Variants in ADAMTS12 observed in about 807,000 individuals in gnomAD.
The protein encoded by ADAMTS12 is A disintegrin and metalloproteinase with thrombospondin motifs 12.
Under a neutral mutation model 167.8 loss-of-function variants are expected in ADAMTS12, and 118 were observed. The ratio of observed to expected loss-of-function variants is 0.70; its 90% CI spans 0.61 to 0.82. The LOEUF (loss-of-function observed/expected upper bound fraction) is 0.82. ADAMTS12 is among the 40% of genes least tolerant of loss of function. ADAMTS12 has a pLI of 0.00. For synonymous variants in ADAMTS12, 704 were observed against 716.9 expected (o/e 0.98, Z 0.29); for missense variants, 1,916 against 1,998.8 (o/e 0.96, Z 0.79).
chr5:33,730,805 C>A (rs1004303138), intron 3 of ADAMTS12, among the ~76,000 whole-genome samples: 1 of 152,184 alleles, frequency 6.6e-6, no homozygotes. Context: ...GACAGGCAAC[C>A]CTTTGCATGG....
At chr5:33,778,322 A>T (rs1745989934) in intron 2 of ADAMTS12, among the ~76,000 whole-genome samples, 1 of 152,202 alleles carries the variant, frequency 6.6e-6, no homozygotes, top group Non-Finnish European at 1.5e-5. Flanking sequence ...TTAAAAAAGG[A>T]CACAAGGACT....
chr5:33,744,629 C>T (rs1744715187), intron 3 of ADAMTS12, among the ~76,000 whole-genome samples: 1 of 152,028 alleles, frequency 6.6e-6, no homozygotes, highest in African/African-American at 2.4e-5. Flanking sequence ...TGCTGGGGCA[C>T]AGTAATGATA....
chr5:33,716,500 C>T (rs1189472087), intron 3 of ADAMTS12, among the ~76,000 whole-genome samples: 1 of 152,018 alleles, frequency 6.6e-6, no homozygotes, highest in Non-Finnish European at 1.5e-5. Context: ...TTTTTTATTG[C>T]AGTGCTTATT....
At chr5:33,615,594 C>T (rs1738960904) in intron 15 of ADAMTS12, among the ~76,000 whole-genome samples, 1 of 152,168 alleles carries the variant, frequency 6.6e-6, no homozygotes, top group Admixed American at 6.5e-5. Flanking sequence ...AAGCTGAACT[C>T]AAACCTCCCA....
chr5:33,579,870 C>T (rs1267548127), intron 18 of ADAMTS12, among the ~76,000 whole-genome samples: 2 of 152,190 alleles, frequency 1.3e-5, no homozygotes, highest in African/African-American at 4.8e-5. Flanking sequence ...GTGATCATAA[C>T]AAAAGGCTTG....
At chr5:33,772,082 C>G (rs1470761376) in intron 2 of ADAMTS12, among the ~76,000 whole-genome samples, 1 of 152,118 alleles carries the variant, frequency 6.6e-6, no homozygotes, top group Middle Eastern at 3.2e-3. Flanking sequence ...CTCTTGAACT[C>G]TTGGCCTCAG....
At chr5:33,578,154 G>A (rs1464472367) in intron 18 of ADAMTS12, among the ~76,000 whole-genome samples, 1 of 152,180 alleles carries the variant, frequency 6.6e-6, no homozygotes, top group East Asian at 1.9e-4. Context: ...CCACCCAGGG[G>A]TCTTCACTGG....
intron 2 of ADAMTS12, among the ~76,000 whole-genome samples, chr5:33,831,643 A>G (rs1748304520): frequency 6.6e-6 from 1 of 152,256 alleles, no homozygotes; most frequent in African/African-American, 2.4e-5. Context: ...ACATGATTGT[A>G]ACAAGCTTAA....
intron 2 of ADAMTS12, among the ~76,000 whole-genome samples, chr5:33,841,107 C>G (rs972823660): frequency 6.6e-6 from 1 of 152,128 alleles, no homozygotes; most frequent in African/African-American, 2.4e-5. Context: ...CATGACCACA[C>G]AGTCTCCTGG....
rs1750474140 is a variant in ADAMTS12 at position 33,882,278 on chromosome 5, C to T, written c.128-798G>A. Among the ~76,000 whole-genome samples the T allele has an allele frequency of 2.6e-5, 4 of 152,216 alleles. No homozygotes were observed. In the South Asian group the frequency reaches 8.3e-4, roughly 32 times the overall value. Reference sequence around the variant, plus strand: ...ATACCAATTACAGCATAAGAGTGTTCCATAATGCAGCAAAGAGTGCATAAA... The same window carrying T: ...ATACCAATTACAGCATAAGAGTGTTTCATAATGCAGCAAAGAGTGCATAAA... On this transcript the variant is annotated intron_variant, in intron 1 of 23. Coordinates refer to ENST00000504830, the MANE Select transcript of ADAMTS12 (RefSeq NM_030955.4).
chr5:33,767,734 A>C (rs1745591645), intron 2 of ADAMTS12, among the ~76,000 whole-genome samples: 1 of 152,092 alleles, frequency 6.6e-6, no homozygotes, highest in East Asian at 1.9e-4. Context: ...TCCCCAGGTA[A>C]AGCGGCTAAA....
intron 2 of ADAMTS12, among the ~76,000 whole-genome samples, chr5:33,810,527 C>G (rs1747418517): frequency 6.6e-6 from 1 of 152,088 alleles, no homozygotes; most frequent in South Asian, 2.1e-4. Flanking sequence ...CAATATGTGT[C>G]TTTTATTGTA....
rs1561186903 is a variant in ADAMTS12 at position 33,637,720 on chromosome 5, G to A, written c.1745C>T (p.Thr582Ile). 1 of 1,613,264 alleles carries A rather than the reference G, an allele frequency of 6.2e-7. No homozygotes were observed. Among genetic ancestry groups the A allele is most frequent in the South Asian group, 1.1e-5 (1 of 90,988 alleles). Residue 582 changes from threonine (T) to isoleucine (I), a missense_variant, in exon 12 of 24, where the codon ACT becomes ATT. Physicochemically the swap from Thr to Ile is moderately conservative, Grantham distance 89. Coordinates refer to ENST00000504830, the MANE Select transcript of ADAMTS12 (RefSeq NM_030955.4). The stretch of plus-strand genomic sequence containing the variant: ...CAAGCGATAGCGTTTTCTTTCTCCA[G>A]TGCAATATTTCCCTCCAAACTTTGG... Reference protein sequence around the residue: ...PEPKFGGKYCTGERKRYRLCN... With the variant: ...PEPKFGGKYCIGERKRYRLCN...
intron 2 of ADAMTS12, among the ~76,000 whole-genome samples, chr5:33,875,630 A>G (rs1015989630): frequency 6.6e-6 from 1 of 152,248 alleles, no homozygotes; most frequent in African/African-American, 2.4e-5. Flanking sequence ...AAATCAAAAA[A>G]AGCTCTCAGA....
intron 16 of ADAMTS12, among the ~76,000 whole-genome samples, chr5:33,612,310 AAATGTCT>A (rs1194631648): frequency 6.6e-6 from 1 of 152,240 alleles, no homozygotes; most frequent in East Asian, 1.9e-4. Context: ...TAACAAAACC[AAATGTCT>A]GATTTACATC....
intron 3 of ADAMTS12, among the ~76,000 whole-genome samples, chr5:33,739,576 T>C (rs1045438689): frequency 6.6e-6 from 1 of 152,236 alleles, no homozygotes; most frequent in African/African-American, 2.4e-5. Flanking sequence ...CGTCATACTC[T>C]CACCTCTCTC....
intron 2 of ADAMTS12, among the ~76,000 whole-genome samples, chr5:33,813,791 C>T (rs1747548665): frequency 6.6e-6 from 1 of 152,216 alleles, no homozygotes; most frequent in African/African-American, 2.4e-5. Flanking sequence ...CTCCAATCCC[C>T]GTCAAGCCAC....
chr5:33,768,701 AT>A (rs1324949313), intron 2 of ADAMTS12, among the ~76,000 whole-genome samples: 5 of 152,134 alleles, frequency 3.3e-5, no homozygotes, highest in African/African-American at 9.7e-5. Context: ...TTTGGTTCAA[AT>A]ATCCTTAATG....
chr5:33,737,323 T>C (rs956229121), intron 3 of ADAMTS12, among the ~76,000 whole-genome samples: 1 of 152,194 alleles, frequency 6.6e-6, no homozygotes, highest in Non-Finnish European at 1.5e-5. Flanking sequence ...CAATCCCTTA[T>C]CTGAAATGCT....
Sources: allele counts gnomAD v4.1 joint callset (sites outside exome capture counted in the v4.1 genomes callset), GRCh38; gene constraint gnomAD v4.1.1; transcripts MANE v1.5; gene names NCBI Gene and HGNC (gene_info 2026-07-23, HGNC 2026-07-21).